TMPRSS15: variants seen among roughly 807,000 people sequenced by gnomAD.
TMPRSS15 encodes the protein transmembrane serine protease 15.
In TMPRSS15, 128 loss-of-function variants were observed where a neutral mutation model predicts 125.3. The ratio of observed to expected loss-of-function variants is 1.02; its 90% CI spans 0.89 to 1.18. The LOEUF (loss-of-function observed/expected upper bound fraction) is 1.18. TMPRSS15 is among the 50% of genes most tolerant of loss of function. The pLI, the probability that TMPRSS15 is intolerant of heterozygous loss-of-function variation, is 0.00. For synonymous variants in TMPRSS15, 446 were observed against 423.2 expected (o/e 1.05, Z -0.66); for missense variants, 1,283 against 1,212.7 (o/e 1.06, Z -0.86).
chr21:18,346,405 G>A (rs560430720), intron 10 of TMPRSS15, among the ~76,000 whole-genome samples: 19 of 152,100 alleles, frequency 1.2e-4, no homozygotes, highest in Admixed American at 5.2e-4. Context: ...AAGCTTATAC[G>A]CACCTATTAT....
chr21:18,401,091 A>C (rs764254284), intron 1 of TMPRSS15, among the ~76,000 whole-genome samples: 6 of 152,164 alleles, frequency 3.9e-5, no homozygotes, highest in South Asian at 2.1e-4. Context: ...AGATGTTGAC[A>C]AGGCTGCAGA....
At chr21:18,308,237 T>C (rs1475340963) in intron 18 of TMPRSS15, among the ~76,000 whole-genome samples, 1 of 152,132 alleles carries the variant, frequency 6.6e-6, no homozygotes, top group Admixed American at 6.6e-5. Context: ...TAAACAACTG[T>C]CACTTTCTGG....
At position 18,398,198 on chromosome 21, in the gene TMPRSS15, C is replaced by T; in HGVS notation, c.276+1G>A. On this transcript the variant is annotated splice_donor_variant, in intron 2 of 24. Transcript: ENST00000284885. LOFTEE classifies it high-confidence loss of function. ...TTTGAAACCAGCTGTCAGTCTCCTACCATTTGCTGAAGGTCAAAAGCAAGA... is the reference window on the plus strand; with the variant it reads ...TTTGAAACCAGCTGTCAGTCTCCTATCATTTGCTGAAGGTCAAAAGCAAGA... 2 of 1,613,738 alleles carry T rather than the reference C, an allele frequency of 1.2e-6. No individual in the cohort carries two copies. The highest frequency in any genetic ancestry group is 8.5e-7 in the Non-Finnish European group (1 of 1,179,744).
chr21:18,439,751 T>C (rs2123229833), intron 1 of TMPRSS15, among the ~76,000 whole-genome samples: 1 of 152,208 alleles, frequency 6.6e-6, no homozygotes, highest in Admixed American at 6.5e-5. Flanking sequence ...ACTAGTTAGA[T>C]TTAGAGGCAG....
At chr21:18,480,448 T>G (rs9976273) in intron 1 of TMPRSS15, among the ~76,000 whole-genome samples, 3,628 of 151,990 alleles carry the variant, frequency 0.024, 163 homozygotes, top group African/African-American at 0.081. Context: ...TATGTCATGT[T>G]AACTGTATAT....
In TMPRSS15 at chr21:18,292,997, T is replaced by A. The variant is rs985604176; in HGVS notation, c.2486+1273A>T. 3.3e-5 allele frequency among the ~76,000 whole-genome samples: 5 copies of A among 152,284 alleles called. No individual in the cohort carries two copies. The East Asian group carries it at 9.7e-4, about 29-fold the overall frequency. On this transcript the variant is annotated intron_variant, in intron 21 of 24. Coordinates refer to ENST00000284885, the MANE Select transcript of TMPRSS15 (RefSeq NM_002772.3). ...ATAGAATCAGAGAGAGCTTTAGATG[T>A]AGATGGGATGGTGCTGTCGGTAGCT...
chr21:18,326,294 T>G, intron 16 of TMPRSS15, 138 bp downstream of exon 16: 2 of 1,301,278 alleles, frequency 1.5e-6, no homozygotes. Flanking sequence ...GGAGGAAAAA[T>G]CATCTTCATT....
At chr21:18,483,954 G>A (rs1036200458) in intron 1 of TMPRSS15, among the ~76,000 whole-genome samples, 2 of 151,808 alleles carry the variant, frequency 1.3e-5, no homozygotes, top group African/African-American at 4.8e-5. Flanking sequence ...ATCTTGTTTA[G>A]TAATCCTTAT....
At chr21:18,426,176 C>T (rs993243514) in intron 1 of TMPRSS15, among the ~76,000 whole-genome samples, 6 of 152,110 alleles carry the variant, frequency 3.9e-5, no homozygotes, top group Non-Finnish European at 8.8e-5. Context: ...TGACAAACAA[C>T]GTAAGTAGTT....
intron 6 of TMPRSS15, among the ~76,000 whole-genome samples, chr21:18,365,642 T>C (rs866237068): frequency 0.11 from 2,699 of 23,728 alleles, 234 homozygotes; most frequent in African/African-American, 0.19. Flanking sequence ...TTCTCTCTCT[T>C]TTTCCTCCCT....
rs200483285 is a variant in TMPRSS15, at chr21:18,281,172, T to G, written c.2536A>C (p.Lys846Gln). ...GTTTGAGGAGAGGTCAGATTTGATT[T>G]CATATGCAGGCCTAGGATTGCTGTC... ...KWTAILGLHM[K>Q]SNLTSPQTVP... Residue 846 changes from lysine to glutamine, a missense_variant, in exon 22 of 25, where the codon AAA becomes CAA. Physicochemically the swap from Lys to Gln is moderately conservative, Grantham distance 53. Transcript: ENST00000284885. 112 of 1,614,122 alleles carry G rather than the reference T, an allele frequency of 6.9e-5. No individual in the cohort carries two copies. In the East Asian group the frequency reaches 1.1e-3, roughly 16 times the overall value.
chr21:18,344,025 T>C lies in TMPRSS15; in HGVS notation c.1207A>G (p.Arg403Gly), dbSNP rs2075479065. The change falls in exon 11 of 25, where the codon AGA (arginine) becomes GGA (glycine). Residue 403 changes from arginine to glycine, a missense_variant. Transcript: ENST00000284885. The part of the protein sequence containing the change: ...YISTPTGPGG[R>G]QERVGLLSLP... ...CTTAAAAGCCCCACTCGTTCTTGTC[T>C]CCCTCCTGGTCCAGTTGGGGTAGAA... 2.5e-6 allele frequency: 4 copies of C among 1,613,806 alleles called. No individual in the cohort carries two copies. In the Admixed American group the frequency reaches 5.0e-5, roughly 20 times the overall value.
At chr21:18,440,854 T>A (rs1472318314) in intron 1 of TMPRSS15, among the ~76,000 whole-genome samples, 1 of 152,248 alleles carries the variant, frequency 6.6e-6, no homozygotes, top group Non-Finnish European at 1.5e-5. Context: ...AATATAGTGA[T>A]TGTTAATAAT....
At chr21:18,441,881 G>A (rs2076242970) in intron 1 of TMPRSS15, among the ~76,000 whole-genome samples, 1 of 151,862 alleles carries the variant, frequency 6.6e-6, no homozygotes, top group Non-Finnish European at 1.5e-5. Flanking sequence ...AGTAGAGACA[G>A]GCTTTCACCA....
At chr21:18,338,727 A>G (rs564867289) in intron 13 of TMPRSS15, among the ~76,000 whole-genome samples, 1 of 99,298 alleles carries the variant, frequency 1.0e-5, no homozygotes, top group Admixed American at 1.0e-4. Flanking sequence ...AGAGAGAGAG[A>G]TAAAGAGAGA....
At chr21:18,444,653 TAGTG>T (rs949325929) in intron 1 of TMPRSS15, among the ~76,000 whole-genome samples, 12 of 152,226 alleles carry the variant, frequency 7.9e-5, no homozygotes, top group Admixed American at 7.9e-4. Flanking sequence ...AAAATCAGGA[TAGTG>T]AGCATTCCCA....
chr21:18,425,024 T>A (rs2076199870), intron 1 of TMPRSS15, among the ~76,000 whole-genome samples: 2 of 151,138 alleles, frequency 1.3e-5, no homozygotes, highest in Non-Finnish European at 3.0e-5. Flanking sequence ...AATATGCATA[T>A]ATATTAATTC....
chr21:18,382,839 T>C (rs191978318), intron 4 of TMPRSS15, among the ~76,000 whole-genome samples: 1 of 152,314 alleles, frequency 6.6e-6, no homozygotes, highest in Admixed American at 6.5e-5. Context: ...TTGAATTGAA[T>C]GAAGGATAAT....
At chr21:18,467,916 G>GTAGTTT (rs987758779) in intron 1 of TMPRSS15, among the ~76,000 whole-genome samples, 5 of 152,078 alleles carry the variant, frequency 3.3e-5, no homozygotes, top group African/African-American at 2.4e-5. Context: ...GTGTATTTGT[G>GTAGTTT]TAGTTTTAGT....
Sources: gnomAD v4.1 joint callset for allele counts (sites outside exome capture counted in the v4.1 genomes callset) on GRCh38, gnomAD v4.1.1 for gene constraint, MANE v1.5 for transcripts, NCBI Gene and HGNC (gene_info 2026-07-23, HGNC 2026-07-21) for gene names.